Variants in CCDC171 observed in about 807,000 individuals in gnomAD.
CCDC171 encodes the protein coiled-coil domain-containing protein 171.
In CCDC171, 177 loss-of-function variants were observed where a neutral mutation model predicts 168.2. The observed-to-expected ratio is 1.05, with a 90% CI of 0.93 to 1.19. The LOEUF is 1.19. Ranked by LOEUF, CCDC171 falls within the 50% of genes most tolerant of loss-of-function variation. CCDC171 has a pLI of 0.00. For synonymous variants in CCDC171, 687 were observed against 540.8 expected (o/e 1.27, Z -3.75); for missense variants, 1,991 against 1,539.0 (o/e 1.29, Z -4.91).
At chr9:15,574,787 G>C (rs276449) in intron 3 of CCDC171, among the ~76,000 whole-genome samples, 82,356 of 152,058 alleles carry the variant, frequency 0.54, 22,693 homozygotes, top group East Asian at 0.84. Context: ...AAAGACTTCT[G>C]TAGGAGTTTT....
chr9:15,665,839 A>G (rs556437957), intron 8 of CCDC171, among the ~76,000 whole-genome samples: 1 of 152,350 alleles, frequency 6.6e-6, no homozygotes, highest in South Asian at 2.1e-4. Context: ...TGAATGGATT[A>G]GTAGGTAAAA....
intron 5 of CCDC171, 21 bp from the exon 6 acceptor site, chr9:15,594,020 C>T: frequency 1.9e-6 from 3 of 1,545,444 alleles, no homozygotes; most frequent in Non-Finnish European, 2.6e-6. Flanking sequence ...AACAGTAAAG[C>T]AAGATTTTAT....
At chr9:15,629,739 G>T (rs951698720) in intron 7 of CCDC171, among the ~76,000 whole-genome samples, 1 of 152,144 alleles carries the variant, frequency 6.6e-6, no homozygotes, top group African/African-American at 2.4e-5. Flanking sequence ...ATTCACCAAA[G>T]TTGAAATGAA....
At chr9:15,564,265 G>A in intron 2 of CCDC171, 136 bp downstream of exon 2, 1 of 596,122 alleles carries the variant, frequency 1.7e-6, no homozygotes. Context: ...GGGACTGAAG[G>A]AGCATGAATG....
chr9:15,665,604 G>C (rs4740622), intron 8 of CCDC171, among the ~76,000 whole-genome samples: 69,981 of 151,884 alleles, frequency 0.46, 16,418 homozygotes, highest in East Asian at 0.71. Flanking sequence ...AAGATAGCAA[G>C]GCCCTATCTC....
chr9:15,900,734 G>C (rs967546608), intron 24 of CCDC171, among the ~76,000 whole-genome samples: 1 of 152,170 alleles, frequency 6.6e-6, no homozygotes, highest in African/African-American at 2.4e-5. Flanking sequence ...AAAGAAGTAG[G>C]ACATACATGC....
rs371123402 is a variant in CCDC171, at chr9:15,928,223, T to A, written c.3753+7801T>A. On this transcript the variant is annotated intron_variant, in intron 25 of 25. Transcript: ENST00000380701. Reference sequence around the variant, plus strand: ...GTACAAGTAATTAAAAGAGGGCTGTTAAAGTACAAGCGTAGGGTGCTTTCA... The same window carrying A: ...GTACAAGTAATTAAAAGAGGGCTGTAAAAGTACAAGCGTAGGGTGCTTTCA... Among the ~76,000 whole-genome samples the A allele has an allele frequency of 2.0e-5, 3 of 151,746 alleles. No individual in the cohort carries two copies. In the East Asian group the frequency reaches 5.8e-4, roughly 29 times the overall value.
the CCDC171 span, among the ~76,000 whole-genome samples, chr9:16,106,393 A>G: frequency 6.6e-6 from 1 of 152,096 alleles, no homozygotes; most frequent in African/African-American, 2.4e-5. Flanking sequence ...TCAGTGTCAG[A>G]TTTCCAGCCT....
intron 25 of CCDC171, among the ~76,000 whole-genome samples, chr9:15,935,097 A>C (rs1826964237): frequency 6.6e-6 from 1 of 152,110 alleles, no homozygotes; most frequent in Non-Finnish European, 1.5e-5. Context: ...TGATGGTGGC[A>C]CAATGTTGTG....
chr9:15,667,414 C>T (rs144382635), intron 9 of CCDC171, among the ~76,000 whole-genome samples: 1,677 of 152,076 alleles, frequency 0.011, 34 homozygotes, highest in African/African-American at 0.039. Context: ...GGGAGGCTGA[C>T]GCGGGTAGAT....
chr9:15,946,962 A>G (rs1231770121), intron 25 of CCDC171, among the ~76,000 whole-genome samples: 1 of 151,998 alleles, frequency 6.6e-6, no homozygotes, highest in Non-Finnish European at 1.5e-5. Context: ...TTTGTTGTTT[A>G]GGTTGTACAA....
rs557703107 is a variant in CCDC171 at position 15,580,171 on chromosome 9, G to A, written c.352+1148G>A. Among the ~76,000 whole-genome samples the A allele has an allele frequency of 2.0e-5, 3 of 152,298 alleles. No homozygotes were observed. In the South Asian group the frequency reaches 6.2e-4, roughly 32 times the overall value. On this transcript the variant is annotated intron_variant, in intron 4 of 25. Transcript: ENST00000380701. ...TGGGATACTTGGCAAGCCACATGTA[G>A]AAGAGTGAAGCTGGATCTTTATCTC...
At chr9:16,096,615 G>A in the CCDC171 span, among the ~76,000 whole-genome samples, 1 of 152,220 alleles carries the variant, frequency 6.6e-6, no homozygotes, top group South Asian at 2.1e-4. Flanking sequence ...GGAAGGGAGG[G>A]AGAAGAGAAA....
intron 23 of CCDC171, among the ~76,000 whole-genome samples, chr9:15,851,748 C>G (rs963414643): frequency 6.6e-6 from 1 of 151,892 alleles, no homozygotes. Context: ...TCCCTTTCCC[C>G]TACATCCTGG....
intron 25 of CCDC171, among the ~76,000 whole-genome samples, chr9:15,949,847 A>G (rs965417350): frequency 3.3e-5 from 5 of 152,136 alleles, no homozygotes; most frequent in Non-Finnish European, 7.3e-5. Context: ...ACTATGTTGA[A>G]TAGGAGTGGT....
At chr9:15,564,269 A>G (rs375316797) in intron 2 of CCDC171, 140 bp downstream of exon 2, 1 of 594,436 alleles carries the variant, frequency 1.7e-6, no homozygotes, top group Non-Finnish European at 3.0e-6. Context: ...CTGAAGGAGC[A>G]TGAATGAAGC....
At chr9:15,650,357 C>G (rs1469772470) in intron 7 of CCDC171, among the ~76,000 whole-genome samples, 2 of 151,862 alleles carry the variant, frequency 1.3e-5, no homozygotes, top group Non-Finnish European at 2.9e-5. Context: ...ATGTAACAAA[C>G]CTTCACGTTG....
chr9:15,913,587 C>T (rs1049499671), intron 24 of CCDC171, among the ~76,000 whole-genome samples: 3 of 152,082 alleles, frequency 2.0e-5, no homozygotes, highest in African/African-American at 4.8e-5. Context: ...TGGGTTAGAA[C>T]ATGCTCCTTT....
intron 23 of CCDC171, among the ~76,000 whole-genome samples, chr9:15,857,221 T>G (rs1378052738): frequency 6.6e-6 from 1 of 151,908 alleles, no homozygotes; most frequent in Non-Finnish European, 1.5e-5. Context: ...GGCAGAAGCT[T>G]TTTCATTTGA....
Sources: gnomAD v4.1 joint callset for allele counts (sites outside exome capture counted in the v4.1 genomes callset) on GRCh38, gnomAD v4.1.1 for gene constraint, MANE v1.5 for transcripts, NCBI Gene and HGNC (gene_info 2026-07-23, HGNC 2026-07-21) for gene names.